FBXL13: variants seen among roughly 807,000 people sequenced by gnomAD.
FBXL13 encodes F-box and leucine rich repeat protein 13, also known as F-box and leucine-rich repeat protein 13.
FBXL13 carries 67 observed loss-of-function variants against 83.6 expected under a neutral mutation model. The ratio of observed to expected loss-of-function variants is 0.80; its 90% confidence interval spans 0.66 to 0.98. The LOEUF (loss-of-function observed/expected upper bound fraction) is 0.98. Ranked by LOEUF, FBXL13 falls within the 50% of genes least tolerant of loss-of-function variation. FBXL13 has a pLI of 0.00. For synonymous variants in FBXL13, 272 were observed against 299.5 expected, an observed-to-expected ratio of 0.91 and a Z score of 0.95; for missense variants, 822 against 866.5, an observed-to-expected ratio of 0.95 and a Z score of 0.64.
At chr7:103,048,447 C>T (rs1215302093) in intron 2 of FBXL13, among the ~76,000 whole-genome samples, 1 of 149,052 alleles carries the variant, frequency 6.7e-6, no homozygotes, top group Admixed American at 6.7e-5. Flanking sequence ...AAACAAAAAT[C>T]TTTCATTACC....
intron 2 of FBXL13, among the ~76,000 whole-genome samples, chr7:103,044,379 G>T (rs1372156881): frequency 6.6e-6 from 1 of 152,052 alleles, no homozygotes; most frequent in East Asian, 1.9e-4. Context: ...GAGACAATCT[G>T]GGAAACTAAA....
intron 6 of FBXL13, among the ~76,000 whole-genome samples, chr7:102,985,045 C>G (rs533950682): frequency 1.3e-5 from 2 of 152,276 alleles, no homozygotes; most frequent in South Asian, 4.1e-4. Context: ...ATTGCTTGTG[C>G]TGGTCTCTCT....
chr7:103,051,353 T>C (rs1400565427), intron 2 of FBXL13, among the ~76,000 whole-genome samples: 1 of 151,526 alleles, frequency 6.6e-6, no homozygotes, highest in African/African-American at 2.4e-5. Context: ...ATCAAATCCA[T>C]TCCTGGACCC....
Position 102,944,161 on chromosome 7 carries a change from A to G in FBXL13, c.725-12228T>C, listed in dbSNP as rs780332457. Reference sequence around the variant, plus strand: ...TATTTGTCCTTTCCATATGCCATACACTGTATTAACTCAATTACTCAGGCT... The same window carrying G: ...TATTTGTCCTTTCCATATGCCATACGCTGTATTAACTCAATTACTCAGGCT... On this transcript the variant is annotated intron_variant, in intron 8 of 19. Transcript: ENST00000313221. 20 of 1,460,290 alleles carry G rather than the reference A, an allele frequency of 1.4e-5. No homozygotes were observed. The African/African-American group carries it at 2.7e-4, about 20-fold the overall frequency. 90.5% of individuals were successfully genotyped at this position (1,460,290 alleles called of 1,614,324 possible).
At chr7:103,041,396 A>C (rs1435005613) in intron 2 of FBXL13, among the ~76,000 whole-genome samples, 1 of 152,188 alleles carries the variant, frequency 6.6e-6, no homozygotes, top group Non-Finnish European at 1.5e-5. Flanking sequence ...CAGAAGTACA[A>C]ACAGGAGCTG....
At chr7:102,959,012 G>C (rs542631700) in intron 8 of FBXL13, among the ~76,000 whole-genome samples, 2 of 151,914 alleles carry the variant, frequency 1.3e-5, no homozygotes, top group African/African-American at 4.8e-5. Flanking sequence ...TTGCAAAAAA[G>C]GTCCTAAACA....
At chr7:103,073,552 T>C (rs973400863) in intron 1 of FBXL13, among the ~76,000 whole-genome samples, 2 of 152,140 alleles carry the variant, frequency 1.3e-5, no homozygotes, top group African/African-American at 4.8e-5. Context: ...AGATATACTT[T>C]ATTCTACATA....
intron 18 of FBXL13, among the ~76,000 whole-genome samples, chr7:102,831,394 G>GACACACACACACACACACACACACAC (rs3045618): frequency 7.1e-6 from 1 of 141,568 alleles, no homozygotes; most frequent in African/African-American, 2.7e-5. Flanking sequence ...CAGTGCCCGG[G>GACACACACACACACACACACACACAC]ACACACACAC....
Position 103,060,710 on chromosome 7 carries a change from C to T in FBXL13, c.-104-4963G>A, listed in dbSNP as rs373640986. On this transcript the variant is annotated intron_variant, in intron 1 of 19. Transcript: ENST00000313221. The stretch of plus-strand genomic sequence containing the variant: ...ATACTCAGATAAACATAGTGAAATA[C>T]GCTGAGGGCTGAAATAGTAATATTA... Among the ~76,000 whole-genome samples, 10 of 152,260 alleles carry T rather than the reference C, an allele frequency of 6.6e-5. No individual in the cohort carries two copies. In the South Asian group the frequency reaches 1.5e-3, roughly 22 times the overall value.
intron 6 of FBXL13, among the ~76,000 whole-genome samples, chr7:102,969,881 A>G (rs1656570833): frequency 6.6e-6 from 1 of 151,734 alleles, no homozygotes; most frequent in Non-Finnish European, 1.5e-5. Context: ...AAAAGGAAAG[A>G]AAAGAAAAAA....
chr7:102,897,100 T>C, intron 11 of FBXL13, among the ~76,000 whole-genome samples: 1 of 151,716 alleles, frequency 6.6e-6, no homozygotes, highest in South Asian at 2.1e-4. Context: ...ACATATACTT[T>C]TAAATACATA....
intron 17 of FBXL13, among the ~76,000 whole-genome samples, chr7:102,849,553 A>C (rs1804800686): frequency 6.6e-6 from 1 of 152,250 alleles, no homozygotes; most frequent in East Asian, 1.9e-4. Flanking sequence ...ACCTTATCTA[A>C]GTAACGAGAG....
chr7:102,988,069 GAC>G (rs1829179103), intron 6 of FBXL13: 1 of 152,222 alleles, frequency 6.6e-6, no homozygotes, highest in South Asian at 2.1e-4. Context: ...GAGAAACAAT[GAC>G]AGAGTCCTTA....
chr7:102,888,908 A>G (rs1250517409), intron 11 of FBXL13, among the ~76,000 whole-genome samples: 3 of 152,168 alleles, frequency 2.0e-5, no homozygotes, highest in Non-Finnish European at 4.4e-5. Context: ...CTTATAACAA[A>G]AAGTAGCTCA....
rs186662560 is a variant in FBXL13 at position 102,823,479 on chromosome 7, A to G, written c.1855-1276T>C. Among the ~76,000 whole-genome samples, 7 of 152,318 alleles carry G rather than the reference A, an allele frequency of 4.6e-5. No individual in the cohort carries two copies. The East Asian group carries it at 1.2e-3, about 25-fold the overall frequency. On this transcript the variant is annotated intron_variant, in intron 18 of 19. Transcript: ENST00000313221. ...GAAAGAAGCAGAAGCCACAGAGACT[A>G]CACAAATCCCGCTCTGAAATATCCT...
chr7:102,991,019 GA>G (rs912633780), intron 6 of FBXL13, among the ~76,000 whole-genome samples: 5 of 152,172 alleles, frequency 3.3e-5, no homozygotes, highest in Non-Finnish European at 7.3e-5. Flanking sequence ...GTGGACAAAT[GA>G]AAAATAAGTC....
intron 8 of FBXL13, among the ~76,000 whole-genome samples, chr7:102,955,253 C>T (rs1032725356): frequency 6.6e-6 from 1 of 152,130 alleles, no homozygotes; most frequent in Non-Finnish European, 1.5e-5. Flanking sequence ...CAAAACTGCA[C>T]AACTACATGG....
At chr7:102,834,127 AAAGAAAG>A (rs1208139877) in intron 17 of FBXL13, among the ~76,000 whole-genome samples, 4,040 of 111,558 alleles carry the variant, frequency 0.036, 96 homozygotes, top group Non-Finnish European at 0.044. Context: ...AGAAAGAAAG[AAAGAAAG>A]AAAGAAAAGA....
chr7:102,819,212 A>G (rs1433885458), intron 19 of FBXL13, among the ~76,000 whole-genome samples: 1 of 152,170 alleles, frequency 6.6e-6, no homozygotes, highest in East Asian at 1.9e-4. Context: ...ACAGAGGGCC[A>G]TAAGTTGAAT....
Sources: allele counts gnomAD v4.1 joint callset (sites outside exome capture counted in the v4.1 genomes callset), GRCh38; gene constraint gnomAD v4.1.1; transcripts MANE v1.5; gene names NCBI Gene and HGNC (gene_info 2026-07-23, HGNC 2026-07-21).